The following OVCH1 variants were observed in gnomAD, a reference collection of about 807,000 sequenced individuals.
OVCH1 encodes ovochymase-1.
Under a neutral mutation model 138.4 loss-of-function variants are expected in OVCH1, and 139 were observed. The ratio of observed to expected loss-of-function variants is 1.00; its 90% CI spans 0.87 to 1.16. OVCH1 has a LOEUF of 1.16. OVCH1 is among the 50% of genes most tolerant of loss of function. The pLI, the probability that OVCH1 is intolerant of heterozygous loss-of-function variation, is 0.00. For missense variants in OVCH1, 1,367 were observed against 1,357.9 expected (o/e 1.01, Z -0.11); for synonymous variants, 453 against 467.8 (o/e 0.97, Z 0.41).
intron 8 of OVCH1, among the ~76,000 whole-genome samples, chr12:29,479,821 T>C (rs563290520): frequency 5.2e-4 from 69 of 133,312 alleles, no homozygotes; most frequent in African/African-American, 1.5e-3. Flanking sequence ...AACTCTTTTT[T>C]TTCTTTTTTT....
intron 6 of OVCH1, among the ~76,000 whole-genome samples, chr12:29,488,127 CA>C (rs1246117946): frequency 6.6e-6 from 1 of 151,892 alleles, no homozygotes; most frequent in Non-Finnish European, 1.5e-5. Flanking sequence ...GTCAGGTTAA[CA>C]ATTTCTCTTC....
chr12:29,448,046 T>C (rs551869285), intron 22 of OVCH1, among the ~76,000 whole-genome samples: 1 of 151,270 alleles, frequency 6.6e-6, no homozygotes, highest in East Asian at 1.9e-4. Flanking sequence ...TCAAACTTTT[T>C]GGCACCTGGC....
chr12:29,403,895 T>C, the OVCH1 span, among the ~76,000 whole-genome samples: 1 of 152,176 alleles, frequency 6.6e-6, no homozygotes, highest in African/African-American at 2.4e-5. Context: ...TTGTATATAA[T>C]GGTATTCAAA....
chr12:29,448,788 A>G (rs1041705282), intron 22 of OVCH1, among the ~76,000 whole-genome samples: 2 of 152,176 alleles, frequency 1.3e-5, no homozygotes, highest in African/African-American at 4.8e-5. Context: ...TTAATCTCTC[A>G]GAGTTTATCC....
chr12:29,443,115 G>A (rs927595568), intron 25 of OVCH1, among the ~76,000 whole-genome samples: 13 of 152,042 alleles, frequency 8.6e-5, no homozygotes, highest in African/African-American at 3.1e-4. Context: ...TAGTATTTCT[G>A]AGCAATTTTA....
At chr12:29,417,523 T>G (rs1941047251) in intron 3 of OVCH1, among the ~76,000 whole-genome samples, 1 of 151,050 alleles carries the variant, frequency 6.6e-6, no homozygotes, top group African/African-American at 2.4e-5. Flanking sequence ...GATAGAAATG[T>G]TCTATATCTT....
At chr12:29,410,210 T>C (rs1210479304), downstream of OVCH1, among the ~76,000 whole-genome samples, 4 of 142,290 alleles carry the variant, frequency 2.8e-5, no homozygotes, top group African/African-American at 9.8e-5. Flanking sequence ...TGTCTCTGCG[T>C]GTGAGATGGG....
chr12:29,431,447 C>T (rs1025155542), intron 27 of OVCH1, among the ~76,000 whole-genome samples: 12 of 152,026 alleles, frequency 7.9e-5, no homozygotes, highest in African/African-American at 2.9e-4. Context: ...AAAAAAAATC[C>T]TCCTATAGTC....
At chr12:29,417,450 C>G (rs7975748) in intron 3 of OVCH1, among the ~76,000 whole-genome samples, 103,039 of 130,026 alleles carry the variant, frequency 0.79, 40,854 homozygotes, top group Middle Eastern at 0.88. Flanking sequence ...GTGACAGAAA[C>G]ACTCCGTCTC....
At chr12:29,497,578 G>C (rs751592086) in intron 1 of OVCH1, 45 bp downstream of exon 1, 4 of 1,607,340 alleles carry the variant, frequency 2.5e-6, no homozygotes, top group Non-Finnish European at 3.4e-6. Context: ...TCTCCAGCAC[G>C]CTCAGCCTCC....
chr12:29,496,578 G>A (rs1226816222), exon 2 of OVCH1: 4 of 1,611,188 alleles, frequency 2.5e-6, no homozygotes, highest in Non-Finnish European at 3.4e-6. Flanking sequence ...TCCAGTCACT[G>A]TTGAATTTCT....
intron 26 of OVCH1, among the ~76,000 whole-genome samples, chr12:29,438,104 A>G (rs1941398209): frequency 6.6e-6 from 1 of 152,114 alleles, no homozygotes; most frequent in Non-Finnish European, 1.5e-5. Context: ...TACTACTTTT[A>G]TATGAGAAAG....
chr12:29,476,405 G>T, intron 12 of OVCH1, 106 bp from the exon 13 acceptor site: 1 of 878,598 alleles, frequency 1.1e-6, no homozygotes, highest in Admixed American at 1.9e-5. Context: ...ATCCTCATAT[G>T]CCTTCACATA....
exon 23 of OVCH1, chr12:29,445,383 GTCT>G (rs1450114608): frequency 1.9e-6 from 3 of 1,610,464 alleles, no homozygotes; most frequent in Non-Finnish European, 8.5e-7. Context: ...ATTGAGTAAA[GTCT>G]TCTTCCATGT....
chr12:29,471,645 G>A (rs1054960485), intron 16 of OVCH1, among the ~76,000 whole-genome samples, 157 bp downstream of exon 16: 5 of 152,182 alleles, frequency 3.3e-5, no homozygotes, highest in Admixed American at 6.5e-5. Flanking sequence ...CACTGACATT[G>A]TTTAAATAGT....
At chr12:29,409,029 A>G (rs1394290961), downstream of OVCH1, among the ~76,000 whole-genome samples, 3 of 152,104 alleles carry the variant, frequency 2.0e-5, no homozygotes, top group Non-Finnish European at 2.9e-5. Flanking sequence ...TTCCTGGTTT[A>G]GTCTTGGGAG....
At chr12:29,404,587 A>C in the OVCH1 span, among the ~76,000 whole-genome samples, 1 of 152,206 alleles carries the variant, frequency 6.6e-6, no homozygotes, top group South Asian at 2.1e-4. Flanking sequence ...TGCTGACTGT[A>C]GACTCTGCCA....
chr12:29,465,249 C>T (rs1470233867), intron 16 of OVCH1, 30 bp from the exon 17 acceptor site: 3 of 1,538,224 alleles, frequency 2.0e-6, no homozygotes, highest in Non-Finnish European at 2.7e-6. Context: ...GAAAGTTTGA[C>T]ATGAAAACAC....
chr12:29,424,313 A>G (rs1941148397), downstream of OVCH1, among the ~76,000 whole-genome samples: 1 of 152,204 alleles, frequency 6.6e-6, no homozygotes, highest in South Asian at 2.1e-4. Flanking sequence ...GCAGTTTTCC[A>G]TCCTGGGTGG....
Sources: allele counts gnomAD v4.1 joint callset (sites outside exome capture counted in the v4.1 genomes callset), GRCh38; gene constraint gnomAD v4.1.1; transcripts MANE v1.5; gene names NCBI Gene and HGNC (gene_info 2026-07-23, HGNC 2026-07-21).